SPOCD1: variants seen among roughly 807,000 people sequenced by gnomAD.
SPOCD1 encodes the protein SPOC domain-containing protein 1.
A neutral mutation model predicts 92.2 loss-of-function variants in SPOCD1; 64 were observed. That is an observed-to-expected ratio of 0.69 (90% CI 0.57 to 0.86). The LOEUF (loss-of-function observed/expected upper bound fraction) is 0.86. Ranked by LOEUF, SPOCD1 falls within the 40% of genes least tolerant of loss-of-function variation. SPOCD1 has a pLI of 0.00. For synonymous variants in SPOCD1, 578 were observed against 619.3 expected, an observed-to-expected ratio of 0.93 and a Z score of 0.99; for missense variants, 1,360 against 1,543.1, an observed-to-expected ratio of 0.88 and a Z score of 1.99.
In SPOCD1 at chr1:31,814,307, C is replaced by T; in HGVS notation, c.1027G>A (p.Ala343Thr). Reference sequence around the variant, plus strand: ...CTGCCAGTCCGCACGACACACACAGCTTCTTGCTGCTCTGCAGAGGCCTGT... The same window carrying T: ...CTGCCAGTCCGCACGACACACACAGTTTCTTGCTGCTCTGCAGAGGCCTGT... Reference protein sequence around the residue: ...SAQASAEQQEAVCVVRTGSDE... With the variant: ...SAQASAEQQETVCVVRTGSDE... The change falls in exon 2 of 16, where the codon GCT (alanine) becomes ACT (threonine). Residue 343 changes from alanine to threonine, a missense_variant. Ala to Thr is a moderately conservative substitution (Grantham distance 58). This residue lies in a region of SPOCD1 where 606 missense variants were observed against 601.5 expected (regional missense o/e 1.01). Coordinates refer to ENST00000360482, the MANE Select transcript of SPOCD1 (RefSeq NM_144569.7). The surrounding 1 kb of genome is among the most constrained non-coding windows in gnomAD (Gnocchi z 4.2). 2 of 1,574,792 alleles carry T rather than the reference C, an allele frequency of 1.3e-6. No homozygotes were observed. Among genetic ancestry groups the T allele is most frequent in the Non-Finnish European group, 1.7e-6 (2 of 1,156,584 alleles).
rs565332214 is a variant in SPOCD1 at position 31,815,800 on chromosome 1, C to A, written c.-40+161G>T. On this transcript the variant is annotated intron_variant, in intron 1 of 15. Coordinates refer to ENST00000360482, the MANE Select transcript of SPOCD1 (RefSeq NM_144569.7). ...AGTCTCTCTCCCAGTTCTCACACTG[C>A]GCAAGGAGCAGATACTGAACGGGGT... is the stretch of plus-strand genomic sequence containing the variant. 37 of 155,010 alleles carry A rather than the reference C, an allele frequency of 2.4e-4. No individual in the cohort carries two copies. In the South Asian group the frequency reaches 7.5e-3, roughly 31 times the overall value. 9.6% of individuals were successfully genotyped at this position (155,010 alleles called of 1,614,324 possible).
At chr1:31,800,356 C>CAGATG in intron 4 of SPOCD1, 85 bp downstream of exon 4, 1 of 1,445,928 alleles carries the variant, frequency 6.9e-7, no homozygotes, top group Admixed American at 2.6e-5. Context: ...GTGGCACCCT[C>CAGATG]TCTCTGAGCC....
rs144712480 is a variant in SPOCD1, at chr1:31,810,648, G to A, written c.1383+3303C>T. Among the ~76,000 whole-genome samples the A allele has an allele frequency of 2.6e-3, 389 of 152,244 alleles. 1 individual carries two copies. Among genetic ancestry groups the A allele is most frequent in the African/African-American group, 8.8e-3 (365 of 41,524 alleles). On this transcript the variant is annotated intron_variant, in intron 2 of 15. Transcript: ENST00000360482. The stretch of plus-strand genomic sequence containing the variant: ...CAGGTGTGAGCCACCACGCCTGGCC[G>A]ACATTGACCTTTAATGGTTAATGTA...
intron 9 of SPOCD1, among the ~76,000 whole-genome samples, chr1:31,797,608 A>G (rs564702074): frequency 6.6e-6 from 1 of 152,310 alleles, no homozygotes; most frequent in East Asian, 1.9e-4. Context: ...CAGGGGCTGG[A>G]GTGCCTCGCC....
intron 10 of SPOCD1, chr1:31,796,348 C>T: frequency 1.7e-6 from 1 of 604,654 alleles, no homozygotes; most frequent in Non-Finnish European, 3.0e-6. Context: ...CATGTGGGGG[C>T]CTTGGGGTGA....
intron 13 of SPOCD1, 150 bp from the exon 14 acceptor site, chr1:31,792,917 T>C: frequency 2.8e-6 from 2 of 723,560 alleles, no homozygotes; most frequent in Non-Finnish European, 4.8e-6. Flanking sequence ...AAGCTCTAAT[T>C]GCCCCATGGA....
chr1:31,807,417 GGGGGAGGGAAGAGAAGGGGAGGGA>G (rs1648905878), intron 2 of SPOCD1, among the ~76,000 whole-genome samples: 1 of 8,524 alleles, frequency 1.2e-4, no homozygotes, highest in African/African-American at 5.4e-4. Context: ...AGGGGAGGGA[GGGGGAGGGAAGAGAAGGGGAGGGA>G]AGGGACTTTT....
In SPOCD1 at chr1:31,800,586, CCCAG is replaced by C. The variant is rs781686952; in HGVS notation, c.1453_1456del (p.Leu485GlyfsTer19). On this transcript the variant is annotated frameshift_variant, in exon 4 of 16. Coordinates refer to ENST00000360482, the MANE Select transcript of SPOCD1 (RefSeq NM_144569.7). LOFTEE classifies it high-confidence loss of function. ...CCCTGCCTGGCCGTGGCTGATGGCC[CCCAG>C]GAGCTGGATCACTGGCCCGGAACCC... 1.9e-5 allele frequency: 31 copies of C among 1,609,920 alleles called. No homozygotes were observed. Among genetic ancestry groups the C allele is most frequent in the Non-Finnish European group, 1.8e-5 (21 of 1,178,200 alleles).
Position 31,807,485 on chromosome 1 carries a change from A to G in SPOCD1, c.1384-5780T>C, listed in dbSNP as rs114795482. Among the ~76,000 whole-genome samples, 862 of 145,234 alleles carry G rather than the reference A, an allele frequency of 5.9e-3. 4 individuals carry two copies. The highest frequency in any genetic ancestry group is 0.021 in the African/African-American group (821 of 39,110). On this transcript the variant is annotated intron_variant, in intron 2 of 15. Coordinates refer to ENST00000360482, the MANE Select transcript of SPOCD1 (RefSeq NM_144569.7). The stretch of plus-strand genomic sequence containing the variant: ...GATAGGTCAAAGAAAAATTGTAATT[A>G]AAAATGATAAAATATTGAGATTGAA...
At chr1:31,804,034 TGA>T (rs2149110364) in intron 2 of SPOCD1, among the ~76,000 whole-genome samples, 1 of 152,234 alleles carries the variant, frequency 6.6e-6, no homozygotes, top group East Asian at 1.9e-4. Flanking sequence ...AAAAGCTCAG[TGA>T]ATCTCAAACA....
intron 3 of SPOCD1, among the ~76,000 whole-genome samples, 156 bp from the exon 4 acceptor site, chr1:31,800,773 T>C (rs552676043): frequency 1.0e-3 from 156 of 152,200 alleles, no homozygotes; most frequent in Non-Finnish European, 1.9e-3. Flanking sequence ...CCCGCTGTAT[T>C]TGCAATGCTT....
At chr1:31,802,310 G>C (rs1224180287) in intron 2 of SPOCD1, among the ~76,000 whole-genome samples, 1 of 152,210 alleles carries the variant, frequency 6.6e-6, no homozygotes, top group African/African-American at 2.4e-5. Flanking sequence ...CCCCACAGAA[G>C]CACATCATTC....
At position 31,798,200 on chromosome 1, in the gene SPOCD1, C is replaced by T; in HGVS notation, c.2145+7G>A. The stretch of plus-strand genomic sequence containing the variant: ...CCTCACCCATCCCGACTGGGCTCAG[C>T]ACTCACCCTTTTCTCCTCCTGGTCC... On this transcript the variant is annotated splice_region_variant and intron_variant, in intron 9 of 15. Transcript: ENST00000360482. The surrounding 1 kb of genome is among the most constrained non-coding windows in gnomAD (Gnocchi z 4.1). 6.2e-7 allele frequency: 1 copy of T among 1,611,428 alleles called. No individual in the cohort carries two copies. The highest frequency in any genetic ancestry group is 1.1e-5 in the South Asian group (1 of 91,020).
intron 2 of SPOCD1, among the ~76,000 whole-genome samples, chr1:31,803,256 C>A (rs985018062): frequency 6.6e-5 from 10 of 151,950 alleles, no homozygotes; most frequent in Non-Finnish European, 1.5e-4. Flanking sequence ...GACAAAAAAA[C>A]TACAAAAAAC....
Position 31,814,302 on chromosome 1 carries a change from C to T in SPOCD1, c.1032G>A (p.Val344=), listed in dbSNP as rs1488561124. Residue 344 remains valine, a synonymous_variant, in exon 2 of 16, where the codon GTG becomes GTA. Coordinates refer to ENST00000360482, the MANE Select transcript of SPOCD1 (RefSeq NM_144569.7). This position sits in a 1 kb window ranked among gnomAD's most constrained non-coding sequence, Gnocchi z 4.2. ...CATCGCTGCCAGTCCGCACGACACA[C>T]ACAGCTTCTTGCTGCTCTGCAGAGG... ...AQASAEQQEA[V]CVVRTGSDEG... 6 of 1,576,092 alleles carry T rather than the reference C, an allele frequency of 3.8e-6. No homozygotes were observed. Among genetic ancestry groups the T allele is most frequent in the Middle Eastern group, 1.7e-4 (1 of 5,902 alleles).
chr1:31,814,488 A>G lies in SPOCD1; in HGVS notation c.846T>C (p.Thr282=). ...GGSGAGCASG[T]EKFGYLPATG... is the part of the protein sequence containing the mutation. ...TAGCGGGCAAATATCCAAATTTCTC[A>G]GTCCCTGAGGCACATCCTGCCCCAC... Residue 282 remains threonine (T), a synonymous_variant, in exon 2 of 16, where the codon ACT becomes ACC. Coordinates refer to ENST00000360482, the MANE Select transcript of SPOCD1 (RefSeq NM_144569.7). This position sits in a 1 kb window ranked among gnomAD's most constrained non-coding sequence, Gnocchi z 4.2. The G allele has an allele frequency of 6.4e-7, 1 of 1,566,536 alleles. No individual in the cohort carries two copies. Among genetic ancestry groups the G allele is most frequent in the Middle Eastern group, 1.7e-4 (1 of 5,850 alleles).
intron 7 of SPOCD1, among the ~76,000 whole-genome samples, chr1:31,799,017 C>G (rs988132293): frequency 6.6e-6 from 1 of 152,160 alleles, no homozygotes; most frequent in Non-Finnish European, 1.5e-5. Context: ...CATTGACTTG[C>G]TGTGTGGCCT....
rs751075300 is a variant in SPOCD1, at chr1:31,801,664, G to C, written c.1425C>G (p.Tyr475Ter). The change falls in exon 3 of 16, where the codon TAC becomes TAG. Residue 475 changes from tyrosine to a stop codon, truncating the protein, a stop_gained and splice_region_variant. Coordinates refer to ENST00000360482, the MANE Select transcript of SPOCD1 (RefSeq NM_144569.7). LOFTEE classifies it high-confidence loss of function. ...GCAATAATAAAATGTAAAAACCTAC[G>C]TAGCACACAAGCTTCACTCCATGGG... ...KIPHGVKLVC[Y>*]LGSGPVIQLL... 6.2e-7 allele frequency: 1 copy of C among 1,613,620 alleles called. No homozygotes were observed.
chr1:31,796,497 G>C (rs1440983544), intron 10 of SPOCD1, 93 bp downstream of exon 10: 1 of 1,597,162 alleles, frequency 6.3e-7, no homozygotes, highest in Admixed American at 1.7e-5. Flanking sequence ...AGAGCAGTCA[G>C]GTGACATGCC....
Sources: gnomAD v4.1 joint callset for allele counts (sites outside exome capture counted in the v4.1 genomes callset) on GRCh38, gnomAD v4.1.1 for gene constraint, gnomAD v4.1.1 regional missense constraint, Gnocchi (gnomAD v3.1) non-coding constraint, MANE v1.5 for transcripts, NCBI Gene and HGNC (gene_info 2026-07-23, HGNC 2026-07-21) for gene names.